The following TENT5B variants were observed in gnomAD, a reference collection of about 807,000 sequenced individuals.
TENT5B encodes the protein terminal nucleotidyltransferase 5B.
TENT5B carries 12 observed loss-of-function variants against 21.7 expected under a neutral mutation model. The ratio of observed to expected loss-of-function variants is 0.55; its 90% CI spans 0.36 to 0.90. TENT5B has a LOEUF of 0.90. Among genes scored for constraint, TENT5B ranks in the 40% least tolerant of loss-of-function variants. The pLI is 0.01. For missense variants in TENT5B, 540 were observed against 601.5 expected (o/e 0.90, Z 1.07); for synonymous variants, 262 against 266.6 (o/e 0.98, Z 0.17).
intron 1 of TENT5B, among the ~76,000 whole-genome samples, chr1:27,011,028 T>C (rs1050011982): frequency 6.6e-6 from 1 of 152,148 alleles, no homozygotes; most frequent in African/African-American, 2.4e-5. Flanking sequence ...TTCCCCTCCC[T>C]GCCATGCCTG....
At chr1:27,011,831 C>T in intron 1 of TENT5B, among the ~76,000 whole-genome samples, 1 of 151,982 alleles carries the variant, frequency 6.6e-6, no homozygotes, top group East Asian at 1.9e-4. Flanking sequence ...GTCTGACCTT[C>T]GGCTTAATAA....
Position 27,012,473 on chromosome 1 carries a change from C to T in TENT5B, c.198G>A (p.Glu66=), listed in dbSNP as rs1344559396. 18 of 1,611,634 alleles carry T rather than the reference C, an allele frequency of 1.1e-5. No individual in the cohort carries two copies. The highest frequency in any genetic ancestry group is 1.5e-5 in the Non-Finnish European group (18 of 1,179,658). Residue 66 remains glutamate (E), a synonymous_variant, in exon 1 of 2, where the codon GAG becomes GAA. Coordinates refer to ENST00000289166, the MANE Select transcript of TENT5B (RefSeq NM_052943.4). ...QVKRLDALLS[E]PIPIHGRGNF... is the part of the protein sequence containing the mutation. ...TGCCGCGCCCGTGAATGGGAATCGG[C>T]TCGCTCAGAAGAGCGTCCAGTCGCT...
rs951162308 is a variant in TENT5B, at chr1:27,005,220, G to T, written c.*724C>A. Reference sequence around the variant, plus strand: ...CAAAGAACAAGCTCCCAGGCAGGAGGGCTCCTTGCAACACAAGGGGGAAAG... The same window carrying T: ...CAAAGAACAAGCTCCCAGGCAGGAGTGCTCCTTGCAACACAAGGGGGAAAG... On this transcript the variant is annotated 3_prime_UTR_variant, in exon 2 of 2. Transcript: ENST00000289166. 1.3e-5 allele frequency: 2 copies of T among 152,686 alleles called. No individual in the cohort carries two copies. Among genetic ancestry groups the T allele is most frequent in the African/African-American group, 4.8e-5 (2 of 41,406 alleles). 9.5% of individuals were successfully genotyped at this position (152,686 alleles called of 1,614,324 possible). A position where few individuals can be genotyped will look rare whatever the true frequency, so the allele number is the denominator to read the frequency against.
At position 27,012,599 on chromosome 1, in the gene TENT5B, C is replaced by T. The variant is rs751401047; in HGVS notation, c.72G>A (p.Thr24=). Residue 24 remains threonine, a synonymous_variant, in exon 1 of 2, where the codon ACG becomes ACA. Transcript: ENST00000289166. ...AAAQVGTAAA[T]AVATAAPAGG... is the part of the protein sequence containing the mutation. Reference sequence around the variant, plus strand: ...CTGCCGGGGCTGCCGTGGCCACCGCCGTGGCCGCAGCCGTCCCCACCTGAG... The same window carrying T: ...CTGCCGGGGCTGCCGTGGCCACCGCTGTGGCCGCAGCCGTCCCCACCTGAG... The T allele has an allele frequency of 1.2e-5, 19 of 1,531,346 alleles. No homozygotes were observed. Among genetic ancestry groups the T allele is most frequent in the Middle Eastern group, 2.3e-4 (1 of 4,422 alleles). The allele number at this position is 1,531,346 out of a possible 1,614,324, so 94.9% of individuals were successfully genotyped here.
Position 27,006,533 on chromosome 1 carries a change from C to A in TENT5B, c.689G>T (p.Gly230Val), listed in dbSNP as rs748708856. The A allele has an allele frequency of 2.5e-6, 4 of 1,614,142 alleles. No homozygotes were observed. The highest frequency in any genetic ancestry group is 2.2e-5 in the East Asian group (1 of 44,878). The change falls in exon 2 of 2, where the codon GGC (glycine) becomes GTC (valine). Residue 230 changes from glycine to valine, a missense_variant. Physicochemically the swap from Gly to Val is moderately radical, Grantham distance 109 (BLOSUM62 -3). Transcript: ENST00000289166. The surrounding 1 kb of genome is among the most constrained non-coding windows in gnomAD (Gnocchi z 9.4). ...AGACATGGGAGTGGACGAGCACTGG[C>A]CAAAGAGCAACAGGGAGTCCAGGAT... ...QIILDSLLLF[G>V]QCSSTPMSEA...
intron 1 of TENT5B, among the ~76,000 whole-genome samples, chr1:27,009,885 C>A (rs2082616316): frequency 6.6e-6 from 1 of 152,246 alleles, no homozygotes; most frequent in Admixed American, 6.5e-5. Context: ...GGCAGACGGT[C>A]ACCAGATACC....
intron 1 of TENT5B, among the ~76,000 whole-genome samples, chr1:27,012,065 C>CTAA (rs950040992): frequency 2.6e-5 from 4 of 152,174 alleles, no homozygotes; most frequent in Non-Finnish European, 4.4e-5. Flanking sequence ...CACACTTACC[C>CTAA]ACCCAGGGCC....
At chr1:27,009,972 A>T (rs891270766) in intron 1 of TENT5B, among the ~76,000 whole-genome samples, 3 of 152,032 alleles carry the variant, frequency 2.0e-5, no homozygotes, top group Non-Finnish European at 2.9e-5. Context: ...CAGTGGCTGC[A>T]CCCTCCTTTC....
Position 27,012,539 on chromosome 1 carries a change from G to A in TENT5B, c.132C>T (p.Phe44=). Residue 44 remains phenylalanine (F), a synonymous_variant, in exon 1 of 2, where the codon TTC becomes TTT. Coordinates refer to ENST00000289166, the MANE Select transcript of TENT5B (RefSeq NM_052943.4). ...GGPDPEALSA[F]PGRHLSGLSW... ...TCAGCCCACTCAGGTGCCGTCCGGG[G>A]AAGGCCGATAAGGCCTCCGGGTCGG... 6.2e-7 allele frequency: 1 copy of A among 1,601,210 alleles called. No individual in the cohort carries two copies. The highest frequency in any genetic ancestry group is 8.5e-7 in the Non-Finnish European group (1 of 1,178,192).
Position 27,012,660 on chromosome 1 carries a change from G to A in TENT5B, c.11C>T (p.Ser4Leu). Residue 4 changes from serine to leucine, a missense_variant, in exon 1 of 2, where the codon TCG becomes TTG. Transcript: ENST00000289166. ...GTCCCTGCGCTCAGCTCCGCTCTCC[G>A]ACGGCATCATCCGCCCGGCCCCCGG... The part of the protein sequence containing the change: MMP[S>L]ESGAERRDRA... 6.8e-7 allele frequency: 1 copy of A among 1,468,988 alleles called. No homozygotes were observed. Among genetic ancestry groups the A allele is most frequent in the Non-Finnish European group, 8.9e-7 (1 of 1,123,452 alleles). 91.0% of individuals were successfully genotyped at this position (1,468,988 alleles called of 1,614,324 possible). A position where few individuals can be genotyped will look rare whatever the true frequency, so the allele number is the denominator to read the frequency against.
chr1:27,006,112 G>A lies in TENT5B; in HGVS notation c.1110C>T (p.Ala370=), dbSNP rs772141246. ...HERRQTLDLI[A]ALALQALAEQ... The stretch of plus-strand genomic sequence containing the variant: ...CAGCCAGTGCCTGCAGCGCCAGTGC[G>A]GCAATGAGGTCCAGCGTCTGGCGGC... Residue 370 remains alanine, a synonymous_variant, in exon 2 of 2, where the codon GCC becomes GCT. Coordinates refer to ENST00000289166, the MANE Select transcript of TENT5B (RefSeq NM_052943.4). This position sits in a 1 kb window ranked among gnomAD's most constrained non-coding sequence, Gnocchi z 9.4. The A allele has an allele frequency of 5.0e-6, 8 of 1,608,960 alleles. No homozygotes were observed. Among genetic ancestry groups the A allele is most frequent in the South Asian group, 3.3e-5 (3 of 90,758 alleles).
intron 1 of TENT5B, among the ~76,000 whole-genome samples, chr1:27,009,458 A>G (rs2082615013): frequency 6.6e-6 from 1 of 152,218 alleles, no homozygotes; most frequent in Admixed American, 6.5e-5. Context: ...ATTTCAAAGC[A>G]AAGGCAACCC....
At position 27,006,948 on chromosome 1, in the gene TENT5B, T is replaced by C. The variant is rs1292562308; in HGVS notation, c.274A>G (p.Ser92Gly). Reference protein sequence around the residue: ...QPRQIVQVVRSTLEEQGLHVH... With the variant: ...QPRQIVQVVRGTLEEQGLHVH... ...TGTAGTCCCTGCTCCTCCAGGGTGCTGCGGACCACCTGCAGGGGAGAGCAG... is the reference window on the plus strand; with the variant it reads ...TGTAGTCCCTGCTCCTCCAGGGTGCCGCGGACCACCTGCAGGGGAGAGCAG... Residue 92 changes from serine (S) to glycine (G), a missense_variant, in exon 2 of 2, where the codon AGC (serine) becomes GGC (glycine). Coordinates refer to ENST00000289166, the MANE Select transcript of TENT5B (RefSeq NM_052943.4). This position sits in a 1 kb window ranked among gnomAD's most constrained non-coding sequence, Gnocchi z 9.4. The C allele has an allele frequency of 1.3e-6, 2 of 1,584,346 alleles. No individual in the cohort carries two copies. Among genetic ancestry groups the C allele is most frequent in the Non-Finnish European group, 1.7e-6 (2 of 1,161,412 alleles).
rs770406893 is a variant in TENT5B at position 27,012,642 on chromosome 1, C to A, written c.29G>T (p.Arg10Leu). Residue 10 changes from arginine (R) to leucine (L), a missense_variant, in exon 1 of 2, where the codon CGC (arginine) becomes CTC (leucine). Coordinates refer to ENST00000289166, the MANE Select transcript of TENT5B (RefSeq NM_052943.4). Reference protein sequence around the residue: MMPSESGAERRDRAAAQVGT... With the variant: MMPSESGAELRDRAAAQVGT... ...CACCTGAGCAGCCGCCCGGTCCCTGCGCTCAGCTCCGCTCTCCGACGGCAT... is the reference window on the plus strand; with the variant it reads ...CACCTGAGCAGCCGCCCGGTCCCTGAGCTCAGCTCCGCTCTCCGACGGCAT... The A allele has an allele frequency of 3.0e-4, 446 of 1,480,846 alleles. 1 individual carries two copies. The highest frequency in any genetic ancestry group is 4.5e-4 in the Admixed American group (17 of 37,816). The allele number at this position is 1,480,846 out of a possible 1,614,324, so 91.7% of individuals were successfully genotyped here.
chr1:27,006,762 A>G lies in TENT5B; in HGVS notation c.460T>C (p.Phe154Leu), dbSNP rs1557702730. The change falls in exon 2 of 2, where the codon TTC (phenylalanine) becomes CTC (leucine). Residue 154 changes from phenylalanine to leucine, a missense_variant. Coordinates refer to ENST00000289166, the MANE Select transcript of TENT5B (RefSeq NM_052943.4). This position sits in a 1 kb window ranked among gnomAD's most constrained non-coding sequence, Gnocchi z 9.4. The stretch of plus-strand genomic sequence containing the variant: ...GCCCGGCTCACACCGGCCGGCAGGA[A>G]GTCTAGTAGGCAGGCCAGCACCACT... ...KAVVLACLLDFLPAGVSRAKI... is the reference protein window; with the variant it reads ...KAVVLACLLDLLPAGVSRAKI... 6.2e-7 allele frequency: 1 copy of G among 1,613,984 alleles called. No homozygotes were observed. The highest frequency in any genetic ancestry group is 2.2e-5 in the East Asian group (1 of 44,866).
At chr1:27,008,341 C>T (rs2082610007) in intron 1 of TENT5B, among the ~76,000 whole-genome samples, 1 of 152,058 alleles carries the variant, frequency 6.6e-6, no homozygotes, top group African/African-American at 2.4e-5. Flanking sequence ...CAGGGAATTA[C>T]TACAAAGAAT....
chr1:27,006,532 GC>G lies in TENT5B; in HGVS notation c.689del (p.Gly230AlafsTer94). 6.2e-7 allele frequency: 1 copy of G among 1,614,170 alleles called. No individual in the cohort carries two copies. Among genetic ancestry groups the G allele is most frequent in the Non-Finnish European group, 8.5e-7 (1 of 1,180,042 alleles). ...QIILDSLLLF[G>X]QCSSTPMSEA... ...CAGACATGGGAGTGGACGAGCACTGGCCAAAGAGCAACAGGGAGTCCAGGAT... is the reference window on the plus strand; with the variant it reads ...CAGACATGGGAGTGGACGAGCACTGGCAAAGAGCAACAGGGAGTCCAGGAT... On this transcript the variant is annotated frameshift_variant, in exon 2 of 2. Transcript: ENST00000289166. LOFTEE classifies it high-confidence loss of function. This position sits in a 1 kb window ranked among gnomAD's most constrained non-coding sequence, Gnocchi z 9.4.
chr1:27,005,875 C>G lies in TENT5B; in HGVS notation c.*69G>C. 1 of 1,506,910 alleles carries G rather than the reference C, an allele frequency of 6.6e-7. No individual in the cohort carries two copies. Among genetic ancestry groups the G allele is most frequent in the East Asian group, 2.3e-5 (1 of 43,704 alleles). The allele number at this position is 1,506,910 out of a possible 1,614,324, so 93.3% of individuals were successfully genotyped here. A position where few individuals can be genotyped will look rare whatever the true frequency, so the allele number is the denominator to read the frequency against. On this transcript the variant is annotated 3_prime_UTR_variant, in exon 2 of 2. Coordinates refer to ENST00000289166, the MANE Select transcript of TENT5B (RefSeq NM_052943.4). Reference sequence around the variant, plus strand: ...CATTCTGCGCCTCTGGTCATGTCCTCCACACACTCTTGGAGGCCCCACCCC... The same window carrying G: ...CATTCTGCGCCTCTGGTCATGTCCTGCACACACTCTTGGAGGCCCCACCCC...
rs2082591795 is a variant in TENT5B, at chr1:27,005,480, C to G, written c.*464G>C. ...AGGCCCTGTAGTGGCCCAGCCTGAT[C>G]CAAAGTGACAAGTCCCTGTAACATA... is the stretch of plus-strand genomic sequence containing the variant. On this transcript the variant is annotated 3_prime_UTR_variant, in exon 2 of 2. Transcript: ENST00000289166. 1 of 158,738 alleles carries G rather than the reference C, an allele frequency of 6.3e-6. No individual in the cohort carries two copies. Among genetic ancestry groups the G allele is most frequent in the South Asian group, 2.0e-4 (1 of 5,098 alleles). The allele number at this position is 158,738 out of a possible 1,614,324, so 9.8% of individuals were successfully genotyped here.
Sources: allele counts gnomAD v4.1 joint callset (sites outside exome capture counted in the v4.1 genomes callset), GRCh38; gene constraint gnomAD v4.1.1; non-coding constraint Gnocchi (gnomAD v3.1); transcripts MANE v1.5; gene names NCBI Gene and HGNC (gene_info 2026-07-23, HGNC 2026-07-21).